Variants in VIT observed in about 807,000 individuals in gnomAD.
VIT encodes vitrin.
VIT carries 99 observed loss-of-function variants against 78.0 expected under a neutral mutation model. That is an observed-to-expected ratio of 1.27 (90% confidence interval 1.08 to 1.50). VIT has a LOEUF of 1.50. Ranked by LOEUF, VIT falls within the 40% of genes most tolerant of loss-of-function variation. The pLI, the probability that VIT is intolerant of heterozygous loss-of-function variation, is 0.00. For missense variants in VIT, 1,126 were observed against 875.3 expected, an observed-to-expected ratio of 1.29 and a Z score of -3.61; for synonymous variants, 374 against 334.3, an observed-to-expected ratio of 1.12 and a Z score of -1.29.
At chr2:36,730,537 T>C (rs575440638) in intron 3 of VIT, among the ~76,000 whole-genome samples, 3 of 152,250 alleles carry the variant, frequency 2.0e-5, no homozygotes, top group South Asian at 2.1e-4. Flanking sequence ...GGGCACATAA[T>C]AGGGATGCAG....
At chr2:36,798,815 A>G (rs185018146) in intron 12 of VIT, among the ~76,000 whole-genome samples, 16 of 152,250 alleles carry the variant, frequency 1.1e-4, no homozygotes, top group Non-Finnish European at 2.1e-4. Context: ...CTAGAACCCG[A>G]GGGGAAGAAT....
At chr2:36,780,193 T>C (rs748382886) in intron 9 of VIT, among the ~76,000 whole-genome samples, 1 of 152,206 alleles carries the variant, frequency 6.6e-6, no homozygotes, top group Admixed American at 6.5e-5. Flanking sequence ...GGCATGAATA[T>C]AAGGACAGGC....
chr2:36,813,987 G>T (rs1386098850), intron 15 of VIT, among the ~76,000 whole-genome samples, 196 bp from the exon 16 acceptor site: 2 of 152,196 alleles, frequency 1.3e-5, no homozygotes, highest in Non-Finnish European at 2.9e-5. Context: ...GGCATTTATT[G>T]AGTGAATAAA....
rs750970034 is a variant in VIT at position 36,805,671 on chromosome 2, G to A, written c.1389+7G>A. 6 of 1,610,610 alleles carry A rather than the reference G, an allele frequency of 3.7e-6. No homozygotes were observed. Among genetic ancestry groups the A allele is most frequent in the South Asian group, 2.2e-5 (2 of 90,774 alleles). On this transcript the variant is annotated splice_region_variant and intron_variant, in intron 14 of 15. Coordinates refer to ENST00000379242, the MANE Select transcript of VIT (RefSeq NM_053276.4). ...GCCCAACTTTGCAAACAAGGTAGAT[G>A]ACTGCCCGGAGACCTACCCAACATC...
intron 11 of VIT, among the ~76,000 whole-genome samples, chr2:36,785,675 T>C (rs763174850): frequency 1.3e-5 from 2 of 152,278 alleles, no homozygotes; most frequent in Non-Finnish European, 2.9e-5. Context: ...AGCTTTTCTT[T>C]TGAGATTTGC....
chr2:36,773,925 C>T lies in VIT; in HGVS notation c.736+78C>T, dbSNP rs1467415014. 2.8e-6 allele frequency: 4 copies of T among 1,420,206 alleles called. No homozygotes were observed. The East Asian group carries it at 9.8e-5, about 35-fold the overall frequency. The allele number at this position is 1,420,206 out of a possible 1,614,324, so 88.0% of individuals were successfully genotyped here. A position where few individuals can be genotyped will look rare whatever the true frequency, so the allele number is the denominator to read the frequency against. ...ATGCGGTTCCTCTCCACATCTTTGC[C>T]ATTTAATTTAGATTTGGACAAGGAC... On this transcript the variant is annotated intron_variant, in intron 8 of 15. Coordinates refer to ENST00000379242, the MANE Select transcript of VIT (RefSeq NM_053276.4).
intron 6 of VIT, among the ~76,000 whole-genome samples, chr2:36,765,337 C>T (rs772333311): frequency 6.6e-6 from 1 of 151,458 alleles, no homozygotes; most frequent in Non-Finnish European, 1.5e-5. Context: ...ACTCACAGTT[C>T]CACATGGCTG....
At chr2:36,788,454 T>C (rs1665259193) in intron 12 of VIT, among the ~76,000 whole-genome samples, 5 of 152,226 alleles carry the variant, frequency 3.3e-5, no homozygotes, top group Admixed American at 3.3e-4. Flanking sequence ...TACCTTCTAT[T>C]CCTGTCAGGA....
chr2:36,716,392 A>C lies in VIT; in HGVS notation c.22A>C (p.Met8Leu). The C allele has an allele frequency of 6.2e-7, 1 of 1,614,010 alleles. No individual in the cohort carries two copies. The highest frequency in any genetic ancestry group is 8.5e-7 in the Non-Finnish European group (1 of 1,179,910). Residue 8 changes from methionine to leucine, a missense_variant, in exon 2 of 16, where the codon ATG becomes CTG. Transcript: ENST00000379242. MRTVVLT[M>L]KASVIEMFLV... ...ATTTATGAGGACTGTTGTTCTCACT[A>C]TGAAGGCATCTGTTATTGAAATGTT...
intron 7 of VIT, among the ~76,000 whole-genome samples, chr2:36,771,273 T>C (rs777345379): frequency 7.9e-5 from 12 of 152,176 alleles, no homozygotes; most frequent in Non-Finnish European, 1.6e-4. Flanking sequence ...CTCACGCCTG[T>C]AATCTCAGCA....
At chr2:36,778,070 C>A (rs1253130771) in intron 9 of VIT, among the ~76,000 whole-genome samples, 4 of 152,124 alleles carry the variant, frequency 2.6e-5, no homozygotes, top group Non-Finnish European at 4.4e-5. Flanking sequence ...AATTCATGCA[C>A]CCCCCATTTA....
chr2:36,717,395 T>TGTGTGTGTG (rs1666230960), intron 2 of VIT, among the ~76,000 whole-genome samples: 1 of 88,596 alleles, frequency 1.1e-5, no homozygotes, highest in Non-Finnish European at 2.4e-5. Context: ...TGTGTGTGTG[T>TGTGTGTGTG]TTAGTAGAGA....
At chr2:36,745,606 T>C (rs970362336) in intron 4 of VIT, among the ~76,000 whole-genome samples, 3 of 152,144 alleles carry the variant, frequency 2.0e-5, no homozygotes, top group Non-Finnish European at 2.9e-5. Context: ...GATTTGGCTC[T>C]CAGCTTGAAC....
At chr2:36,702,504 A>G (rs1480953708) in intron 1 of VIT, among the ~76,000 whole-genome samples, 1 of 152,186 alleles carries the variant, frequency 6.6e-6, no homozygotes, top group African/African-American at 2.4e-5. Flanking sequence ...TTAAAAACGT[A>G]AAGATGATAT....
intron 8 of VIT, chr2:36,774,766 T>C: frequency 1.0e-6 from 1 of 985,392 alleles, no homozygotes; most frequent in Non-Finnish European, 1.2e-6. Flanking sequence ...ATCTTAGGCC[T>C]CTACAGACTC....
intron 4 of VIT, among the ~76,000 whole-genome samples, chr2:36,750,504 T>G (rs1668390809): frequency 6.6e-6 from 1 of 152,204 alleles, no homozygotes; most frequent in Non-Finnish European, 1.5e-5. Flanking sequence ...AGAGTAAATT[T>G]GACCTCACCA....
At chr2:36,782,638 G>A (rs1440521217) in intron 10 of VIT, among the ~76,000 whole-genome samples, 1 of 152,090 alleles carries the variant, frequency 6.6e-6, no homozygotes, top group East Asian at 1.9e-4. Flanking sequence ...CGCTTTTATT[G>A]TCTTTATTTC....
At chr2:36,781,003 C>T (rs1664711843) in intron 9 of VIT, among the ~76,000 whole-genome samples, 1 of 142,492 alleles carries the variant, frequency 7.0e-6, no homozygotes, top group Admixed American at 7.4e-5. Context: ...TCCTCCCCTC[C>T]ACCCCTTCTA....
chr2:36,707,661 G>C (rs1298826909), intron 1 of VIT, among the ~76,000 whole-genome samples: 1 of 152,142 alleles, frequency 6.6e-6, no homozygotes, highest in Non-Finnish European at 1.5e-5. Flanking sequence ...ACCAAATCGG[G>C]ATTCTGTTAG....
Sources: gnomAD v4.1 joint callset for allele counts (sites outside exome capture counted in the v4.1 genomes callset) on GRCh38, gnomAD v4.1.1 for gene constraint, MANE v1.5 for transcripts, NCBI Gene and HGNC (gene_info 2026-07-23, HGNC 2026-07-21) for gene names.